Variants in HNMT observed in about 807,000 individuals in gnomAD.
HNMT encodes the protein histamine N-methyltransferase.
Under a neutral mutation model 32.1 loss-of-function variants are expected in HNMT, and 30 were observed. That is an observed-to-expected ratio of 0.93 (90% CI 0.70 to 1.27). The LOEUF is 1.27. HNMT is among the 50% of genes most tolerant of loss of function. The pLI is 0.00. For missense variants in HNMT, 327 were observed against 346.0 expected (o/e 0.95, Z 0.43); for synonymous variants, 125 against 119.0 (o/e 1.05, Z -0.33).
intron 2 of HNMT, among the ~76,000 whole-genome samples, chr2:137,998,245 A>G (rs1270268426): frequency 6.6e-6 from 1 of 152,308 alleles, no homozygotes; most frequent in South Asian, 2.1e-4. Context: ...GAGTAGGTAA[A>G]ATAATTAAAA....
chr2:138,016,088 A>G lies in HNMT; in HGVS notation c.*1958A>G, dbSNP rs1427762029. On this transcript the variant is annotated 3_prime_UTR_variant, in exon 6 of 6. Transcript: ENST00000280097. ...TCTTCCTGCACTGTATGATAATACC[A>G]AAATTTGGGACAGTCACATACTAAC... 6.6e-6 allele frequency: 1 copy of G among 152,134 alleles called. No homozygotes were observed. The highest frequency in any genetic ancestry group is 2.4e-5 in the African/African-American group (1 of 41,444). The allele number at this position is 152,134 out of a possible 1,614,324, so 9.4% of individuals were successfully genotyped here. A position where few individuals can be genotyped will look rare whatever the true frequency, so the allele number is the denominator to read the frequency against.
At chr2:137,999,928 A>G (rs1372829630) in intron 2 of HNMT, among the ~76,000 whole-genome samples, 4 of 151,988 alleles carry the variant, frequency 2.6e-5, no homozygotes, top group African/African-American at 9.7e-5. Flanking sequence ...TAAAAAAAAA[A>G]AAGAAGCTTG....
chr2:137,982,382 T>C (rs894457850), intron 2 of HNMT, among the ~76,000 whole-genome samples: 3 of 152,180 alleles, frequency 2.0e-5, no homozygotes, highest in African/African-American at 7.2e-5. Context: ...GCATTTAACA[T>C]ACAGCTTGTG....
intron 1 of HNMT, among the ~76,000 whole-genome samples, chr2:137,965,818 G>A (rs1679939984): frequency 6.6e-6 from 1 of 152,102 alleles, no homozygotes; most frequent in Admixed American, 6.5e-5. Context: ...CAGATCCTTG[G>A]TTTTCTTCAG....
chr2:138,004,796 C>T (rs1449044299), intron 4 of HNMT, among the ~76,000 whole-genome samples: 4 of 151,934 alleles, frequency 2.6e-5, no homozygotes, highest in Non-Finnish European at 5.9e-5. Context: ...CTGCAATTCA[C>T]GAATTATAGA....
At chr2:137,986,778 C>A (rs1030684910) in intron 2 of HNMT, among the ~76,000 whole-genome samples, 1 of 152,182 alleles carries the variant, frequency 6.6e-6, no homozygotes, top group Non-Finnish European at 1.5e-5. Context: ...AGCTATAATT[C>A]TATCGCCATT....
intron 2 of HNMT, among the ~76,000 whole-genome samples, chr2:137,986,918 A>AG (rs1680667504): frequency 6.6e-6 from 1 of 152,196 alleles, no homozygotes; most frequent in African/African-American, 2.4e-5. Context: ...ATTACACACA[A>AG]GGGATCAATT....
chr2:137,980,519 A>C (rs891951298), intron 2 of HNMT, among the ~76,000 whole-genome samples: 2 of 152,114 alleles, frequency 1.3e-5, no homozygotes, highest in African/African-American at 4.8e-5. Context: ...TTCTTGAGGT[A>C]TTTGTTGTAT....
At chr2:137,996,226 A>G (rs1181507225) in intron 2 of HNMT, among the ~76,000 whole-genome samples, 2 of 152,238 alleles carry the variant, frequency 1.3e-5, no homozygotes, top group African/African-American at 2.4e-5. Flanking sequence ...AGAGGAAGTC[A>G]AATTGTCTCT....
intron 5 of HNMT, among the ~76,000 whole-genome samples, chr2:138,008,215 C>A (rs1681386073): frequency 6.6e-6 from 1 of 151,920 alleles, no homozygotes; most frequent in African/African-American, 2.4e-5. Context: ...CATTTAGCTC[C>A]CACTTATAAT....
In HNMT at chr2:137,964,549, C is replaced by T; in HGVS notation, c.58C>T (p.Arg20Trp). ...CCACGGGAAATATGTTGAATCTTTC[C>T]GGAGGTTTCTCAACCATTCCACGGA... is the stretch of plus-strand genomic sequence containing the variant. ...SDHGKYVESF[R>W]RFLNHSTEHQ... Residue 20 changes from arginine to tryptophan, a missense_variant, in exon 1 of 6, where the codon CGG (arginine) becomes TGG (tryptophan). Coordinates refer to ENST00000280097, the MANE Select transcript of HNMT (RefSeq NM_006895.3). 6.2e-7 allele frequency: 1 copy of T among 1,613,554 alleles called. No homozygotes were observed. The highest frequency in any genetic ancestry group is 1.1e-5 in the South Asian group (1 of 91,042).
intron 2 of HNMT, among the ~76,000 whole-genome samples, chr2:137,989,863 T>C (rs1680767190): frequency 6.6e-6 from 1 of 152,230 alleles, no homozygotes; most frequent in Non-Finnish European, 1.5e-5. Flanking sequence ...AAATATCTCT[T>C]TATATATTTA....
intron 2 of HNMT, among the ~76,000 whole-genome samples, chr2:137,980,616 C>G (rs752670368): frequency 5.3e-5 from 8 of 152,164 alleles, no homozygotes; most frequent in Non-Finnish European, 8.8e-5. Flanking sequence ...TTTTGTAGAA[C>G]ATTTTGGTTG....
At position 137,981,940 on chromosome 2, in the gene HNMT, G is replaced by A. The variant is rs375456284; in HGVS notation, c.190+11723G>A. On this transcript the variant is annotated intron_variant, in intron 2 of 5. Coordinates refer to ENST00000280097, the MANE Select transcript of HNMT (RefSeq NM_006895.3). ...GCGATCTAGGCTCACTGCAACCTCC[G>A]TCTCTCAGGCTCATGTGATTCTTGT... 1.6e-4 allele frequency among the ~76,000 whole-genome samples: 25 copies of A among 152,196 alleles called. No homozygotes were observed. The East Asian group carries it at 3.1e-3, about 19-fold the overall frequency.
intron 1 of HNMT, among the ~76,000 whole-genome samples, chr2:137,964,875 G>C (rs1012341360): frequency 2.0e-5 from 3 of 152,120 alleles, no homozygotes; most frequent in African/African-American, 7.2e-5. Flanking sequence ...AGAGATAAGC[G>C]TTAACCATTT....
chr2:137,976,237 G>T (rs974219715), intron 2 of HNMT, among the ~76,000 whole-genome samples: 5 of 144,506 alleles, frequency 3.5e-5, no homozygotes, highest in Non-Finnish European at 7.4e-5. Context: ...TTGCACTCCA[G>T]CCTGGGGGAC....
Position 138,014,199 on chromosome 2 carries a change from T to C in HNMT, c.*69T>C, listed in dbSNP as rs983902680. The C allele has an allele frequency of 4.9e-6, 5 of 1,020,940 alleles. No homozygotes were observed. The African/African-American group carries it at 6.5e-5, about 13-fold the overall frequency. The allele number at this position is 1,020,940 out of a possible 1,614,324, so 63.2% of individuals were successfully genotyped here. On this transcript the variant is annotated 3_prime_UTR_variant, in exon 6 of 6. Coordinates refer to ENST00000280097, the MANE Select transcript of HNMT (RefSeq NM_006895.3). ...CTCGAATCACTCATTTATTTCCATA[T>C]TAAAATCACAAACTCATCCATTAAT... is the stretch of plus-strand genomic sequence containing the variant.
rs555668657 is a variant in HNMT at position 138,008,908 on chromosome 2, A to G, written c.523+3683A>G. Among the ~76,000 whole-genome samples the G allele has an allele frequency of 2.6e-5, 4 of 152,202 alleles. No homozygotes were observed. In the East Asian group the frequency reaches 5.8e-4, roughly 22 times the overall value. ...ATCAATAAAAACATTGGCAAATGGC[A>G]TCTCATTAAACTTAAGAGCTTCTGT... On this transcript the variant is annotated intron_variant, in intron 5 of 5. Transcript: ENST00000280097.
intron 4 of HNMT, chr2:138,002,551 A>G (rs1323479320): frequency 4.3e-6 from 1 of 231,632 alleles, no homozygotes; most frequent in Non-Finnish European, 7.1e-6. Flanking sequence ...GAGCTTAAGC[A>G]ATTCTCCCAC....
Sources: gnomAD v4.1 joint callset for allele counts (sites outside exome capture counted in the v4.1 genomes callset) on GRCh38, gnomAD v4.1.1 for gene constraint, MANE v1.5 for transcripts, NCBI Gene and HGNC (gene_info 2026-07-23, HGNC 2026-07-21) for gene names.